The following SYNE1 variants were observed in gnomAD, a reference collection of about 807,000 sequenced individuals.
SYNE1 encodes spectrin repeat containing nuclear envelope protein 1.
SYNE1 carries 616 observed loss-of-function variants against 1,111.0 expected under a neutral mutation model. The observed-to-expected ratio is 0.55, with a 90% CI of 0.52 to 0.59. The LOEUF is 0.59. Among genes scored for constraint, SYNE1 ranks in the 20% least tolerant of loss-of-function variants. The pLI is 0.00. For synonymous variants in SYNE1, 3,855 were observed against 3,825.8 expected, an observed-to-expected ratio of 1.01 and a Z score of -0.28; for missense variants, 10,006 against 10,417.0, an observed-to-expected ratio of 0.96 and a Z score of 1.72.
chr6:152,186,217 G>A (rs76678631), intron 128 of SYNE1, among the ~76,000 whole-genome samples: 9,514 of 152,122 alleles, frequency 0.063, 462 homozygotes, highest in African/African-American at 0.14. Context: ...AATTTCATAA[G>A]TGACATCACA....
chr6:152,458,349 C>T (rs2098710433), intron 22 of SYNE1, among the ~76,000 whole-genome samples: 1 of 152,182 alleles, frequency 6.6e-6, no homozygotes, highest in African/African-American at 2.4e-5. Context: ...AGTTGGGGCT[C>T]AGGATGCATG....
In SYNE1 at chr6:152,309,822, A is replaced by C. The variant is rs1589767462; in HGVS notation, c.17202+13T>G. 1 of 1,613,282 alleles carries C rather than the reference A, an allele frequency of 6.2e-7. No homozygotes were observed. ...CAGCAATTGCTCTACTGGTGTGGGT[A>C]CCCTGCACCTGCCTGCATGATGTTA... On this transcript the variant is annotated intron_variant, in intron 90 of 145. Coordinates refer to ENST00000367255, the MANE Select transcript of SYNE1 (RefSeq NM_182961.4).
intron 10 of SYNE1, among the ~76,000 whole-genome samples, chr6:152,499,733 C>A (rs1040327499): frequency 6.6e-5 from 10 of 152,080 alleles, no homozygotes; most frequent in African/African-American, 2.4e-4. Flanking sequence ...TACTACATGA[C>A]AAATGCCACT....
intron 102 of SYNE1, 140 bp downstream of exon 102, chr6:152,256,494 C>G (rs1042863954): frequency 2.1e-6 from 2 of 959,288 alleles, no homozygotes; most frequent in African/African-American, 3.3e-5. Flanking sequence ...GTCCAGTGAT[C>G]TTTGTTTCAG....
chr6:152,250,298 A>T (rs2088787285), intron 104 of SYNE1, among the ~76,000 whole-genome samples: 1 of 152,078 alleles, frequency 6.6e-6, no homozygotes. Flanking sequence ...TCTCTAAAAT[A>T]TCAACAAATA....
chr6:152,251,628 G>T (rs370024023), intron 104 of SYNE1, among the ~76,000 whole-genome samples: 53 of 150,832 alleles, frequency 3.5e-4, no homozygotes, highest in African/African-American at 1.2e-3. Context: ...GCGTAGTGGC[G>T]GGCGCCTGTA....
chr6:152,141,251 T>C lies in SYNE1; in HGVS notation c.25198A>G (p.Ser8400Gly). ...TGCAGGTTAACAAAGCCAGGAAGGC[T>C]CTCCTCTTCCTCCTTCAGTTTGTGC... The part of the protein sequence containing the change: ...LEHKLKEEEE[S>G]LPGFVNLHST... Residue 8400 changes from serine to glycine, a missense_variant, in exon 139 of 146, where the codon AGC becomes GGC. This residue lies in a region of SYNE1 where 761 missense variants were observed against 795.5 expected (regional missense o/e 0.96). Coordinates refer to ENST00000367255, the MANE Select transcript of SYNE1 (RefSeq NM_182961.4). 1 of 1,614,134 alleles carries C rather than the reference T, an allele frequency of 6.2e-7. No individual in the cohort carries two copies. Among genetic ancestry groups the C allele is most frequent in the Non-Finnish European group, 8.5e-7 (1 of 1,180,008 alleles).
At chr6:152,378,718 A>G (rs2097339513) in intron 56 of SYNE1, among the ~76,000 whole-genome samples, 1 of 152,056 alleles carries the variant, frequency 6.6e-6, no homozygotes. Context: ...ACTCAACTCA[A>G]ATAACAACTC....
chr6:152,614,442 C>T (rs187427491), intron 3 of SYNE1, among the ~76,000 whole-genome samples: 1 of 152,298 alleles, frequency 6.6e-6, no homozygotes, highest in African/African-American at 2.4e-5. Flanking sequence ...GATACCATCT[C>T]ACACCAGTAA....
chr6:152,242,521 A>G, intron 106 of SYNE1, 81 bp from the exon 107 acceptor site: 1 of 1,521,294 alleles, frequency 6.6e-7, no homozygotes, highest in East Asian at 2.3e-5. Context: ...TGAACGCACC[A>G]AGCCCGAGAC....
intron 13 of SYNE1, among the ~76,000 whole-genome samples, chr6:152,484,245 GT>G (rs2098927719): frequency 6.6e-6 from 1 of 151,586 alleles, no homozygotes; most frequent in African/African-American, 2.4e-5. Flanking sequence ...AGAATATATG[GT>G]AAGTTCAAGA....
intron 2 of SYNE1, among the ~76,000 whole-genome samples, chr6:152,634,280 C>A (rs1583833348): frequency 6.6e-6 from 1 of 152,142 alleles, no homozygotes; most frequent in East Asian, 1.9e-4. Context: ...AACATAAACA[C>A]ATAAACAGAT....
intron 145 of SYNE1, chr6:152,126,411 G>A (rs2053466304): frequency 6.6e-6 from 1 of 152,252 alleles, no homozygotes; most frequent in East Asian, 1.9e-4. Context: ...AGAGTCTTGG[G>A]AAATTTCATA....
At position 152,219,044 on chromosome 6, in the gene SYNE1, C is replaced by A; in HGVS notation, c.22003G>T (p.Ala7335Ser). The A allele has an allele frequency of 6.2e-7, 1 of 1,614,130 alleles. No homozygotes were observed. Among genetic ancestry groups the A allele is most frequent in the Non-Finnish European group, 8.5e-7 (1 of 1,180,020 alleles). The change falls in exon 120 of 146, where the codon GCC (alanine) becomes TCC (serine). Residue 7335 changes from alanine to serine, a missense_variant. Transcript: ENST00000367255. ...DQLSLSQHLC[A>S]LEQALCKQQT... is the part of the protein sequence containing the mutation. The stretch of plus-strand genomic sequence containing the variant: ...TGTTTGCAGAGAGCTTGCTCCAGGG[C>A]ACACAAGTGTTGACTCAAAGAGAGT...
At position 152,140,165 on chromosome 6, in the gene SYNE1, G is replaced by T; in HGVS notation, c.25247-4C>A. Reference sequence around the variant, plus strand: ...AGCTCCCATCGGTCAATCACACCTGGCAAGACATGCATAGAACAGTGAGGT... The same window carrying T: ...AGCTCCCATCGGTCAATCACACCTGTCAAGACATGCATAGAACAGTGAGGT... On this transcript the variant is annotated splice_polypyrimidine_tract_variant and splice_region_variant and intron_variant, in intron 139 of 145. Transcript: ENST00000367255. 1.2e-6 allele frequency: 2 copies of T among 1,614,038 alleles called. No homozygotes were observed. Among genetic ancestry groups the T allele is most frequent in the Non-Finnish European group, 1.7e-6 (2 of 1,179,910 alleles).
intron 131 of SYNE1, among the ~76,000 whole-genome samples, chr6:152,160,064 T>A (rs1371979954): frequency 6.6e-6 from 1 of 152,116 alleles, no homozygotes; most frequent in Non-Finnish European, 1.5e-5. Context: ...TAGAGTACAG[T>A]GGCGCGATCT....
intron 47 of SYNE1, among the ~76,000 whole-genome samples, chr6:152,400,566 G>C (rs2097796888): frequency 6.6e-6 from 1 of 152,052 alleles, no homozygotes; most frequent in South Asian, 2.1e-4. Context: ...GGGAGACTGT[G>C]GTAGAAGAAT....
Position 152,214,894 on chromosome 6 carries a change from T to G in SYNE1, c.22346+12A>C. 1 of 1,614,050 alleles carries G rather than the reference T, an allele frequency of 6.2e-7. No homozygotes were observed. Among genetic ancestry groups the G allele is most frequent in the Non-Finnish European group, 8.5e-7 (1 of 1,179,950 alleles). On this transcript the variant is annotated intron_variant, in intron 122 of 145. Transcript: ENST00000367255. ...CAACTGGAGCAACCAAGACATCTCT[T>G]GTTTACTCTACCTGAATCTTTCTGT... is the stretch of plus-strand genomic sequence containing the variant.
At chr6:152,411,874 G>A (rs568815023) in intron 42 of SYNE1, among the ~76,000 whole-genome samples, 174 of 152,156 alleles carry the variant, frequency 1.1e-3, no homozygotes, top group African/African-American at 4.0e-3. Context: ...GTGCAAAATG[G>A]TGCAACTACT....
Sources: gnomAD v4.1 joint callset for allele counts (sites outside exome capture counted in the v4.1 genomes callset) on GRCh38, gnomAD v4.1.1 for gene constraint, gnomAD v4.1.1 regional missense constraint, MANE v1.5 for transcripts, NCBI Gene and HGNC (gene_info 2026-07-23, HGNC 2026-07-21) for gene names.